The following RSPO2 variants were observed in gnomAD, a reference collection of about 807,000 sequenced individuals.
RSPO2 encodes R-spondin 2.
In RSPO2, 14 loss-of-function variants were observed where a neutral mutation model predicts 30.9. That is an observed-to-expected ratio of 0.45 (90% CI 0.30 to 0.71). The LOEUF (loss-of-function observed/expected upper bound fraction) is 0.71. Ranked by LOEUF, RSPO2 falls within the 30% of genes least tolerant of loss-of-function variation. The probability of loss-of-function intolerance (pLI) is 0.08; values close to 1 mark genes in which losing one functional copy is unlikely to be tolerated. For missense variants in RSPO2, 264 were observed against 301.9 expected, an observed-to-expected ratio of 0.87 and a Z score of 0.93; for synonymous variants, 107 against 96.4, an observed-to-expected ratio of 1.11 and a Z score of -0.64.
chr8:107,925,951 C>T (rs1319276961), intron 5 of RSPO2, among the ~76,000 whole-genome samples: 1 of 152,088 alleles, frequency 6.6e-6, no homozygotes, highest in Non-Finnish European at 1.5e-5. Flanking sequence ...AATAGTATTT[C>T]TAGTTCTAGA....
intron 2 of RSPO2, among the ~76,000 whole-genome samples, chr8:108,003,726 A>G (rs924893616): frequency 2.0e-5 from 3 of 152,162 alleles, no homozygotes; most frequent in African/African-American, 7.2e-5. Flanking sequence ...TGCAGGCTAC[A>G]GGTTTTCACA....
chr8:107,986,906 G>A (rs1420349325), intron 3 of RSPO2, among the ~76,000 whole-genome samples: 1 of 152,134 alleles, frequency 6.6e-6, no homozygotes, highest in Non-Finnish European at 1.5e-5. Context: ...TATAAACTAT[G>A]AGAAATAAAT....
intron 3 of RSPO2, among the ~76,000 whole-genome samples, chr8:107,970,299 T>A (rs1813951369): frequency 1.3e-5 from 2 of 152,204 alleles, no homozygotes; most frequent in Admixed American, 6.5e-5. Context: ...CTTTCATTTT[T>A]TTGTCTTAAA....
intron 2 of RSPO2, among the ~76,000 whole-genome samples, chr8:108,073,806 T>A (rs1006047568): frequency 4.6e-5 from 7 of 152,232 alleles, no homozygotes; most frequent in African/African-American, 1.7e-4. Context: ...AGACAGTGCT[T>A]CCAGTGTGGC....
At chr8:108,070,211 C>T (rs1464437296) in intron 2 of RSPO2, among the ~76,000 whole-genome samples, 2 of 151,372 alleles carry the variant, frequency 1.3e-5, no homozygotes, top group Middle Eastern at 3.2e-3. Context: ...GTCATCTCAG[C>T]TACTCAGGAA....
intron 2 of RSPO2, among the ~76,000 whole-genome samples, chr8:107,992,215 T>C (rs1814872657): frequency 2.0e-5 from 2 of 99,016 alleles, no homozygotes; most frequent in African/African-American, 9.9e-5. Flanking sequence ...CATGGAATAC[T>C]ATACAGCCAT....
chr8:108,072,388 C>T (rs542240585), intron 2 of RSPO2, among the ~76,000 whole-genome samples: 3 of 128,692 alleles, frequency 2.3e-5, no homozygotes, highest in Non-Finnish European at 4.6e-5. Flanking sequence ...TGCAGTGGTG[C>T]GATCTCGGCC....
chr8:108,062,901 C>G (rs989661707), intron 2 of RSPO2, among the ~76,000 whole-genome samples: 3 of 151,838 alleles, frequency 2.0e-5, no homozygotes, highest in Non-Finnish European at 4.4e-5. Context: ...AAATGTAATC[C>G]AGCATATAAA....
At chr8:107,975,560 C>A (rs74984849) in intron 3 of RSPO2, among the ~76,000 whole-genome samples, 1 of 152,190 alleles carries the variant, frequency 6.6e-6, no homozygotes, top group Non-Finnish European at 1.5e-5. Flanking sequence ...TAGTAAGCCA[C>A]GACATAGTAT....
At chr8:108,052,900 A>G (rs1476312102) in intron 2 of RSPO2, among the ~76,000 whole-genome samples, 1 of 151,966 alleles carries the variant, frequency 6.6e-6, no homozygotes, top group African/African-American at 2.4e-5. Context: ...CATATAGTCC[A>G]AACTTTTATT....
At chr8:107,968,780 T>C (rs1813900898) in intron 3 of RSPO2, among the ~76,000 whole-genome samples, 1 of 151,992 alleles carries the variant, frequency 6.6e-6, no homozygotes, top group Non-Finnish European at 1.5e-5. Flanking sequence ...CCCAAGATGG[T>C]GAATGGAAGG....
At chr8:108,053,716 A>G (rs2130684491) in intron 2 of RSPO2, among the ~76,000 whole-genome samples, 1 of 152,360 alleles carries the variant, frequency 6.6e-6, no homozygotes, top group African/African-American at 2.4e-5. Flanking sequence ...ATCCTATTAA[A>G]AGCCTAAAAA....
At chr8:107,983,294 A>T (rs1814514796) in intron 3 of RSPO2, 2 of 1,599,610 alleles carry the variant, frequency 1.3e-6, no homozygotes, top group African/African-American at 1.3e-5. Flanking sequence ...CTGGAATTGC[A>T]AAGGGATAGC....
chr8:108,070,601 G>A (rs181016286), intron 2 of RSPO2, among the ~76,000 whole-genome samples: 3 of 152,250 alleles, frequency 2.0e-5, no homozygotes, highest in African/African-American at 4.8e-5. Flanking sequence ...CCTCTCTTCA[G>A]GAAGGCAAGA....
chr8:108,033,832 T>C (rs934560707), intron 2 of RSPO2, among the ~76,000 whole-genome samples: 2 of 152,124 alleles, frequency 1.3e-5, no homozygotes, highest in African/African-American at 2.4e-5. Flanking sequence ...GTAGAAAAAA[T>C]GCAACACCAA....
intron 5 of RSPO2, among the ~76,000 whole-genome samples, chr8:107,954,852 G>A (rs1813370190): frequency 6.6e-6 from 1 of 151,714 alleles, no homozygotes; most frequent in Admixed American, 6.6e-5. Flanking sequence ...CTCTTGATCT[G>A]CCTGTCTTGG....
At chr8:108,031,773 T>G (rs1388973368) in intron 2 of RSPO2, among the ~76,000 whole-genome samples, 1 of 152,098 alleles carries the variant, frequency 6.6e-6, no homozygotes, top group Admixed American at 6.6e-5. Context: ...AGGAGATGCA[T>G]CAATCTGCAG....
At chr8:108,064,290 G>A (rs555300091) in intron 2 of RSPO2, among the ~76,000 whole-genome samples, 2 of 152,144 alleles carry the variant, frequency 1.3e-5, no homozygotes, top group African/African-American at 2.4e-5. Flanking sequence ...CTCTGACAAA[G>A]GGCTAATATC....
At chr8:107,951,641 A>C (rs1010060352) in intron 5 of RSPO2, among the ~76,000 whole-genome samples, 16 of 152,172 alleles carry the variant, frequency 1.1e-4, no homozygotes, top group Non-Finnish European at 2.4e-4. Flanking sequence ...GTGCTGCCCC[A>C]GACTACATTG....
Sources: gnomAD v4.1 joint callset for allele counts (sites outside exome capture counted in the v4.1 genomes callset) on GRCh38, gnomAD v4.1.1 for gene constraint, MANE v1.5 for transcripts, NCBI Gene and HGNC (gene_info 2026-07-23, HGNC 2026-07-21) for gene names.